TMEM63B: variants seen among roughly 807,000 people sequenced by gnomAD.
TMEM63B encodes mechanosensitive cation channel TMEM63B.
In TMEM63B, 23 loss-of-function variants were observed where a neutral mutation model predicts 102.6. That is an observed-to-expected ratio of 0.22 (90% CI 0.16 to 0.32). The LOEUF (loss-of-function observed/expected upper bound fraction) is 0.32, where lower values mean the gene tolerates loss of function less well. TMEM63B is among the 10% of genes least tolerant of loss of function. TMEM63B has a pLI of 1.00. For synonymous variants in TMEM63B, 444 were observed against 437.0 expected (o/e 1.02, Z -0.20); for missense variants, 628 against 1,095.9 (o/e 0.57, Z 6.03).
In TMEM63B at chr6:44,154,251, G is replaced by A. The variant is rs893912612; in HGVS notation, c.2226+63G>A. ...GGAGCTCAAGGGGAGGAATGCAGAG[G>A]GCCACAGGGCTGGCGAGGGCTGAGG... is the stretch of plus-strand genomic sequence containing the variant. On this transcript the variant is annotated intron_variant, in intron 22 of 23. Coordinates refer to ENST00000323267, the MANE Select transcript of TMEM63B (RefSeq NM_018426.3). 2.2e-5 allele frequency: 35 copies of A among 1,600,240 alleles called. No individual in the cohort carries two copies. The South Asian group carries it at 3.0e-4, about 14-fold the overall frequency.
chr6:44,142,847 C>CA (rs1474307610), intron 10 of TMEM63B, among the ~76,000 whole-genome samples: 2 of 152,218 alleles, frequency 1.3e-5, no homozygotes, highest in Admixed American at 1.3e-4. Flanking sequence ...TCCATCTCTA[C>CA]AAAAAATATA....
upstream of TMEM63B, chr6:44,127,485 G>T (rs904628138): frequency 6.6e-6 from 1 of 151,404 alleles, no homozygotes; most frequent in Non-Finnish European, 1.5e-5. Context: ...CCTTGCGTGC[G>T]CCGGCGTGCG....
In TMEM63B at chr6:44,127,618, C is replaced by A. The variant is rs1278670526; in HGVS notation, c.-85C>A. 4 of 149,188 alleles carry A rather than the reference C, an allele frequency of 2.7e-5. No homozygotes were observed. The highest frequency in any genetic ancestry group is 6.0e-5 in the Non-Finnish European group (4 of 66,872). The allele number at this position is 149,188 out of a possible 1,614,324, so 9.2% of individuals were successfully genotyped here. A position where few individuals can be genotyped will look rare whatever the true frequency, so the allele number is the denominator to read the frequency against. ...CCGCCCAGCGACTCCCCCTCCCCCT[C>A]CCCCAGCCCCGCCCCGCCCCAACCC... On this transcript the variant is annotated 5_prime_UTR_variant, in exon 1 of 24. Transcript: ENST00000323267.
intron 4 of TMEM63B, 80 bp downstream of exon 4, chr6:44,135,446 C>G: frequency 4.6e-6 from 7 of 1,508,574 alleles, no homozygotes; most frequent in Non-Finnish European, 6.3e-6. Context: ...CTCTTCCTGC[C>G]AAGTTGCTGG....
chr6:44,136,521 AT>A (rs1363828246), intron 5 of TMEM63B, 82 bp downstream of exon 5: 1 of 974,426 alleles, frequency 1.0e-6, no homozygotes, highest in Admixed American at 2.0e-5. Context: ...ACTTTCAGTG[AT>A]GTGGAGTCAG....
chr6:44,153,885 G>C, intron 21 of TMEM63B, 42 bp downstream of exon 21: 1 of 1,597,110 alleles, frequency 6.3e-7, no homozygotes, highest in Non-Finnish European at 8.5e-7. Context: ...GGCGAGCAGA[G>C]TGGATTCCAG....
chr6:44,132,174 T>C (rs537204570), intron 1 of TMEM63B: 107 of 832,370 alleles, frequency 1.3e-4, no homozygotes, highest in Admixed American at 3.7e-4. Flanking sequence ...CCCTGTAAAA[T>C]GGGGATAGTG....
rs1435247492 is a variant in TMEM63B, at chr6:44,138,481, G to T, written c.371G>T (p.Gly124Val). ...SSVDFDQRDN[G>V]FCSWLTAIFR... ...GCTGACAGCCCTCTGTTCCCCCAGG[G>T]TTTCTGTTCCTGGCTGACAGCCATC... Residue 124 changes from glycine (G) to valine (V), a missense_variant and splice_region_variant, in exon 6 of 24, where the codon GGT becomes GTT. Gly to Val is a moderately radical substitution (Grantham distance 109). Around this residue, in one of 6 missense-constraint regions of TMEM63B, gnomAD observed 336 missense variants for 580.3 expected, o/e 0.58. Transcript: ENST00000323267. 2 of 1,614,036 alleles carry T rather than the reference G, an allele frequency of 1.2e-6. No homozygotes were observed. The highest frequency in any genetic ancestry group is 1.7e-6 in the Non-Finnish European group (2 of 1,179,992).
Position 44,148,441 on chromosome 6 carries a change from C to T in TMEM63B, c.1121+56C>T. 6.2e-7 allele frequency: 1 copy of T among 1,613,224 alleles called. No individual in the cohort carries two copies. The highest frequency in any genetic ancestry group is 8.5e-7 in the Non-Finnish European group (1 of 1,179,352). On this transcript the variant is annotated intron_variant, in intron 13 of 23. Coordinates refer to ENST00000323267, the MANE Select transcript of TMEM63B (RefSeq NM_018426.3). The surrounding 1 kb of genome is among the most constrained non-coding windows in gnomAD (Gnocchi z 5.1). ...GCAGCCCTCCAGGGCTCCCTGACCCCTGTGCTCATGGCCTTCTGCCAGCAG... is the reference window on the plus strand; with the variant it reads ...GCAGCCCTCCAGGGCTCCCTGACCCTTGTGCTCATGGCCTTCTGCCAGCAG...
chr6:44,136,784 C>T (rs899840261), intron 5 of TMEM63B, among the ~76,000 whole-genome samples: 5 of 152,268 alleles, frequency 3.3e-5, no homozygotes, highest in Non-Finnish European at 5.9e-5. Flanking sequence ...CCTTGGCTCA[C>T]GCCTGTAATC....
chr6:44,134,137 C>A (rs1762465640), intron 1 of TMEM63B, among the ~76,000 whole-genome samples: 1 of 152,160 alleles, frequency 6.6e-6, no homozygotes, highest in Admixed American at 6.5e-5. Context: ...GACGTGGAGA[C>A]CCCTCATCTT....
At position 44,150,197 on chromosome 6, in the gene TMEM63B, T is replaced by C. The variant is rs1324445030; in HGVS notation, c.1521-27T>C. On this transcript the variant is annotated intron_variant, in intron 16 of 23. Coordinates refer to ENST00000323267, the MANE Select transcript of TMEM63B (RefSeq NM_018426.3). This position sits in a 1 kb window ranked among gnomAD's most constrained non-coding sequence, Gnocchi z 4.7. ...CTGGGGCCTGGGCTCACTTGACCTG[T>C]ACCGTTCCCTGCTCCCCTCCCTCCA... 1.2e-6 allele frequency: 2 copies of C among 1,604,776 alleles called. No individual in the cohort carries two copies. The highest frequency in any genetic ancestry group is 1.7e-6 in the Non-Finnish European group (2 of 1,172,932).
In TMEM63B at chr6:44,153,713, G is replaced by A. The variant is rs1225273167; in HGVS notation, c.1980G>A (p.Arg660=). ...MYMLLKHLVD[R]YNLYYAYLPA... ...TGCTGCTGAAGCACCTGGTAGACAGGTACAATCTCTACTACGCCTACCTGC... is the reference window on the plus strand; with the variant it reads ...TGCTGCTGAAGCACCTGGTAGACAGATACAATCTCTACTACGCCTACCTGC... Residue 660 remains arginine (R), a synonymous_variant, in exon 21 of 24, where the codon AGG becomes AGA. Transcript: ENST00000323267. The A allele has an allele frequency of 6.2e-7, 1 of 1,614,094 alleles. No homozygotes were observed. Among genetic ancestry groups the A allele is most frequent in the Non-Finnish European group, 8.5e-7 (1 of 1,180,006 alleles).
Position 44,154,814 on chromosome 6 carries a change from C to A in TMEM63B, c.2430C>A (p.Pro810=). ...SSQDEELLMP[P]DALTDTDFQS... ...AAGATGAGGAGTTGCTGATGCCACC[C>A]GACGCCCTCACGGACACAGACTTCC... Residue 810 remains proline (P), a synonymous_variant, in exon 24 of 24, where the codon CCC becomes CCA. Coordinates refer to ENST00000323267, the MANE Select transcript of TMEM63B (RefSeq NM_018426.3). The A allele has an allele frequency of 6.2e-7, 1 of 1,610,598 alleles. No individual in the cohort carries two copies. The highest frequency in any genetic ancestry group is 1.1e-5 in the South Asian group (1 of 90,842).
intron 5 of TMEM63B, 129 bp downstream of exon 5, chr6:44,136,568 T>C (rs1763001072): frequency 1.4e-6 from 1 of 696,528 alleles, no homozygotes; most frequent in South Asian, 1.7e-5. Flanking sequence ...GCAAAGAAAG[T>C]GATTCAACCA....
chr6:44,127,408 G>C (rs941733183), upstream of TMEM63B: 3 of 151,314 alleles, frequency 2.0e-5, no homozygotes, highest in Non-Finnish European at 4.4e-5. Flanking sequence ...TTCGCCCCAC[G>C]CGGCCTCTTC....
rs1411224462 is a variant in TMEM63B at position 44,152,411 on chromosome 6, C to T, written c.1837-182C>T. On this transcript the variant is annotated intron_variant, in intron 19 of 23. Transcript: ENST00000323267. This position sits in a 1 kb window ranked among gnomAD's most constrained non-coding sequence, Gnocchi z 6.4. Reference sequence around the variant, plus strand: ...CATCACTGCAACCGCCCTGACCCTCCTCTCGGCCATAGCCCCTCTCTCCAT... The same window carrying T: ...CATCACTGCAACCGCCCTGACCCTCTTCTCGGCCATAGCCCCTCTCTCCAT... Among the ~76,000 whole-genome samples the T allele has an allele frequency of 6.6e-6, 1 of 152,078 alleles. No individual in the cohort carries two copies. The highest frequency in any genetic ancestry group is 1.5e-5 in the Non-Finnish European group (1 of 68,000).
At position 44,139,567 on chromosome 6, in the gene TMEM63B, G is replaced by C. The variant is rs765884785; in HGVS notation, c.508G>C (p.Val170Leu). 1 of 1,614,222 alleles carries C rather than the reference G, an allele frequency of 6.2e-7. No individual in the cohort carries two copies. The highest frequency in any genetic ancestry group is 8.5e-7 in the Non-Finnish European group (1 of 1,180,042). Reference protein sequence around the residue: ...GLLVVVGVLSVGIVLPVNFSG... With the variant: ...GLLVVVGVLSLGIVLPVNFSG... ...GCTGGTGGTTGTGGGCGTCCTCTCCGTAGGCATCGTGCTGCCTGTCAACTT... is the reference window on the plus strand; with the variant it reads ...GCTGGTGGTTGTGGGCGTCCTCTCCCTAGGCATCGTGCTGCCTGTCAACTT... Residue 170 changes from valine (V) to leucine (L), a missense_variant, in exon 7 of 24, where the codon GTA (valine) becomes CTA (leucine). By Grantham distance (32) the Val-to-Leu change is conservative (BLOSUM62 1). Around this residue, in one of 6 missense-constraint regions of TMEM63B, gnomAD observed 336 missense variants for 580.3 expected, o/e 0.58. Transcript: ENST00000323267.
chr6:44,135,190 C>T lies in TMEM63B; in HGVS notation c.239+94C>T, dbSNP rs1200452964. 4 of 1,579,444 alleles carry T rather than the reference C, an allele frequency of 2.5e-6. No homozygotes were observed. The African/African-American group carries it at 4.1e-5, about 16-fold the overall frequency. Reference sequence around the variant, plus strand: ...AAGGAGCCAGCCCTCTCTCATTCCCCTTTGCTGGGGGGATGAGAAGGGACT... The same window carrying T: ...AAGGAGCCAGCCCTCTCTCATTCCCTTTTGCTGGGGGGATGAGAAGGGACT... On this transcript the variant is annotated intron_variant, in intron 3 of 23. Transcript: ENST00000323267.
Sources: gnomAD v4.1 joint callset for allele counts (sites outside exome capture counted in the v4.1 genomes callset) on GRCh38, gnomAD v4.1.1 for gene constraint, gnomAD v4.1.1 regional missense constraint, Gnocchi (gnomAD v3.1) non-coding constraint, MANE v1.5 for transcripts, NCBI Gene and HGNC (gene_info 2026-07-23, HGNC 2026-07-21) for gene names.